The following NIN variants were observed in gnomAD, a reference collection of about 807,000 sequenced individuals.
The protein encoded by NIN is ninein, also known as glycogen synthase kinase 3 beta-interacting protein.
In NIN, 137 loss-of-function variants were observed where a neutral mutation model predicts 257.6. The observed-to-expected ratio is 0.53, with a 90% CI of 0.46 to 0.61. NIN has a LOEUF of 0.61. Among genes scored for constraint, NIN ranks in the 20% least tolerant of loss-of-function variants. NIN has a pLI of 0.00. For missense variants in NIN, 2,439 were observed against 2,501.2 expected (o/e 0.98, Z 0.53); for synonymous variants, 918 against 919.8 (o/e 1.00, Z 0.04).
chr14:50,803,220 G>C (rs1285757346), intron 4 of NIN, among the ~76,000 whole-genome samples: 2 of 152,182 alleles, frequency 1.3e-5, no homozygotes, highest in South Asian at 2.1e-4. Flanking sequence ...CAGGCGTAGT[G>C]GTGGGTGCCT....
intron 3 of NIN, among the ~76,000 whole-genome samples, chr14:50,807,146 C>T (rs377620606): frequency 2.0e-5 from 3 of 152,182 alleles, no homozygotes; most frequent in East Asian, 3.8e-4. Context: ...AAGAGAAAGA[C>T]GTTAGGCTAG....
At chr14:50,791,805 G>GTGCACACACAAACACA (rs1555388904) in intron 5 of NIN, among the ~76,000 whole-genome samples, 4 of 23,066 alleles carry the variant, frequency 1.7e-4, no homozygotes, top group Admixed American at 6.8e-4. Context: ...ACAGGTGCAC[G>GTGCACACACAAACACA]CGCACACACA....
At chr14:50,737,798 C>G (rs1005698644) in intron 27 of NIN, among the ~76,000 whole-genome samples, 1 of 151,954 alleles carries the variant, frequency 6.6e-6, no homozygotes, top group African/African-American at 2.4e-5. Context: ...GCATGTGCCA[C>G]CATGCCTGGC....
intron 3 of NIN, among the ~76,000 whole-genome samples, chr14:50,809,831 G>A (rs953403311): frequency 6.6e-6 from 1 of 152,128 alleles, no homozygotes; most frequent in East Asian, 1.9e-4. Context: ...GACTGTATAA[G>A]CTTCATTTAT....
At chr14:50,738,309 G>GA (rs761173411) in intron 26 of NIN, 23 bp from the exon 27 acceptor site, 20 of 1,599,728 alleles carry the variant, frequency 1.3e-5, no homozygotes, top group Non-Finnish European at 1.7e-5. Context: ...AATGTAAGAG[G>GA]AAAAAATGCT....
At chr14:50,760,672 T>C (rs2042242364) in intron 16 of NIN, among the ~76,000 whole-genome samples, 1 of 152,026 alleles carries the variant, frequency 6.6e-6, no homozygotes. Context: ...ACTTGAGTCT[T>C]GGAACATATA....
At chr14:50,771,604 T>C in intron 9 of NIN, 136 bp from the exon 10 acceptor site, 1 of 899,430 alleles carries the variant, frequency 1.1e-6, no homozygotes, top group East Asian at 2.6e-5. Flanking sequence ...GCTTTGGTGA[T>C]TGCTTAGGAA....
chr14:50,809,276 TGA>T (rs1220321610), intron 3 of NIN, among the ~76,000 whole-genome samples: 4 of 152,084 alleles, frequency 2.6e-5, no homozygotes, highest in Non-Finnish European at 5.9e-5. Flanking sequence ...CTAATAGCCA[TGA>T]GAGTGACCAA....
intron 12 of NIN, among the ~76,000 whole-genome samples, chr14:50,767,561 T>G (rs1335278298): frequency 6.6e-6 from 1 of 152,118 alleles, no homozygotes; most frequent in African/African-American, 2.4e-5. Context: ...CTCACGCCTG[T>G]AATCCCAGCA....
Position 50,799,741 on chromosome 14 carries a change from C to T in NIN, c.266-6860G>A, listed in dbSNP as rs150166886. On this transcript the variant is annotated intron_variant, in intron 4 of 30. Coordinates refer to ENST00000530997, the MANE Select transcript of NIN (RefSeq NM_020921.4). ...TCACGCCTGTAATCCCAGCACTTTG[C>T]GAGGCTGAGCCAGGCAGAGGTCAGG... 4.2e-3 allele frequency among the ~76,000 whole-genome samples: 638 copies of T among 152,064 alleles called. 4 individuals carry two copies. Among genetic ancestry groups the T allele is most frequent in the Middle Eastern group, 0.024 (7 of 294 alleles).
At chr14:50,744,132 C>T in intron 23 of NIN, 111 bp downstream of exon 23, 1 of 1,198,442 alleles carries the variant, frequency 8.3e-7, no homozygotes. Context: ...CTCCAGGACA[C>T]TCTGGAACAA....
At chr14:50,727,797 G>A (rs2040485644) in intron 29 of NIN, 1 of 1,407,194 alleles carries the variant, frequency 7.1e-7, no homozygotes, top group Non-Finnish European at 9.6e-7. Flanking sequence ...ATGTCAGGAT[G>A]AGTTTTTAGG....
intron 5 of NIN, among the ~76,000 whole-genome samples, chr14:50,781,614 G>A (rs138737001): frequency 6.6e-6 from 1 of 152,278 alleles, no homozygotes; most frequent in Non-Finnish European, 1.5e-5. Flanking sequence ...GAGTATGGAG[G>A]CCACTGCATA....
chr14:50,815,091 A>G (rs1326039566), intron 3 of NIN, among the ~76,000 whole-genome samples: 1 of 152,262 alleles, frequency 6.6e-6, no homozygotes, highest in Non-Finnish European at 1.5e-5. Context: ...ATCTATCATT[A>G]GAGTGAACAG....
At chr14:50,826,061 T>C (rs2045443005) in intron 2 of NIN, among the ~76,000 whole-genome samples, 1 of 152,240 alleles carries the variant, frequency 6.6e-6, no homozygotes. Context: ...AATTCGTAAA[T>C]GACTTCCCCT....
intron 28 of NIN, among the ~76,000 whole-genome samples, chr14:50,734,513 T>C (rs2040879430): frequency 6.6e-6 from 1 of 152,226 alleles, no homozygotes; most frequent in African/African-American, 2.4e-5. Context: ...TCACTAAATG[T>C]TAGATTAACT....
At chr14:50,790,649 G>C (rs1224435719) in intron 5 of NIN, among the ~76,000 whole-genome samples, 1 of 152,170 alleles carries the variant, frequency 6.6e-6, no homozygotes, top group African/African-American at 2.4e-5. Flanking sequence ...ATGGAGGGTG[G>C]TGAATGCTAC....
intron 5 of NIN, 63 bp downstream of exon 5, chr14:50,792,649 T>C: frequency 6.3e-7 from 1 of 1,582,888 alleles, no homozygotes; most frequent in Admixed American, 1.7e-5. Context: ...CCTGTCTCTG[T>C]GCTGCACTGA....
intron 2 of NIN, 139 bp from the exon 3 acceptor site, chr14:50,822,216 C>T: frequency 4.7e-6 from 3 of 639,924 alleles, no homozygotes; most frequent in Non-Finnish European, 8.2e-6. Flanking sequence ...TGATGCACCC[C>T]ACAGCAAGAC....
Sources: allele counts gnomAD v4.1 joint callset (sites outside exome capture counted in the v4.1 genomes callset), GRCh38; gene constraint gnomAD v4.1.1; transcripts MANE v1.5; gene names NCBI Gene and HGNC (gene_info 2026-07-23, HGNC 2026-07-21).